The following PCDHGA9 variants were observed in gnomAD, a reference collection of about 807,000 sequenced individuals.
The protein encoded by PCDHGA9 is protocadherin gamma-A9.
A neutral mutation model predicts 62.5 loss-of-function variants in PCDHGA9; 37 were observed. The observed-to-expected ratio is 0.59, with a 90% CI of 0.46 to 0.78. The LOEUF is 0.78. Ranked by LOEUF, PCDHGA9 falls within the 30% of genes least tolerant of loss-of-function variation. The pLI, the probability that PCDHGA9 is intolerant of heterozygous loss-of-function variation, is 0.00. For missense variants in PCDHGA9, 1,138 were observed against 1,166.2 expected, an observed-to-expected ratio of 0.98 and a Z score of 0.35; for synonymous variants, 459 against 484.6, an observed-to-expected ratio of 0.95 and a Z score of 0.69.
At chr5:141,408,702 T>C (rs769871063) in intron 1 of PCDHGA9, 6 of 1,613,208 alleles carry the variant, frequency 3.7e-6, no homozygotes, top group South Asian at 3.3e-5. Flanking sequence ...ATAAACTCAA[T>C]TAAAGATTAT....
At chr5:141,440,484 A>G (rs190024112) in intron 1 of PCDHGA9, 36 of 152,300 alleles carry the variant, frequency 2.4e-4, no homozygotes, top group Non-Finnish European at 4.7e-4. Context: ...AATTCTTTAA[A>G]TGTTTTTCAC....
chr5:141,498,737 G>A (rs1176793634), intron 2 of PCDHGA9, among the ~76,000 whole-genome samples: 1 of 152,076 alleles, frequency 6.6e-6, no homozygotes, highest in African/African-American at 2.4e-5. Context: ...TTTGAGACCA[G>A]CCTGGCCAAC....
At chr5:141,438,418 G>C (rs2097959406) in intron 1 of PCDHGA9, among the ~76,000 whole-genome samples, 1 of 151,534 alleles carries the variant, frequency 6.6e-6, no homozygotes, top group Admixed American at 6.6e-5. Flanking sequence ...ATTTCACACA[G>C]TAGTTTGTAC....
In PCDHGA9 at chr5:141,477,211, C is replaced by T. The variant is rs1282763530; in HGVS notation, c.2425-17596C>T. On this transcript the variant is annotated intron_variant, in intron 1 of 3. Coordinates refer to ENST00000573521, the MANE Select transcript of PCDHGA9 (RefSeq NM_018921.3). The surrounding 1 kb of genome is among the most constrained non-coding windows in gnomAD (Gnocchi z 4.9). ...TGTACAGCCCAGTACCCGAGGATGC[C>T]CCTCTGGGGACTGTCATCGCTTTGC... 2 of 1,614,154 alleles carry T rather than the reference C, an allele frequency of 1.2e-6. No individual in the cohort carries two copies. Among genetic ancestry groups the T allele is most frequent in the East Asian group, 4.5e-5 (2 of 44,870 alleles).
Position 141,487,831 on chromosome 5 carries a change from A to G in PCDHGA9, c.2425-6976A>G, listed in dbSNP as rs1001896359. ...TTAGCATTGGGGGCGGGTCATGCCTATATCTGAGTAAGAAATGAAAGTAAT... is the reference window on the plus strand; with the variant it reads ...TTAGCATTGGGGGCGGGTCATGCCTGTATCTGAGTAAGAAATGAAAGTAAT... On this transcript the variant is annotated intron_variant, in intron 1 of 3. Transcript: ENST00000573521. This position sits in a 1 kb window ranked among gnomAD's most constrained non-coding sequence, Gnocchi z 5.0. The G allele has an allele frequency of 1.1e-5, 13 of 1,144,204 alleles. No homozygotes were observed. Among genetic ancestry groups the G allele is most frequent in the Non-Finnish European group, 1.6e-5 (13 of 818,302 alleles). 70.9% of individuals were successfully genotyped at this position (1,144,204 alleles called of 1,614,324 possible). A position where few individuals can be genotyped will look rare whatever the true frequency, so the allele number is the denominator to read the frequency against.
intron 1 of PCDHGA9, among the ~76,000 whole-genome samples, chr5:141,433,766 G>A (rs2097649774): frequency 6.6e-6 from 1 of 151,888 alleles, no homozygotes; most frequent in South Asian, 2.1e-4. Flanking sequence ...TAACCTGGGA[G>A]GTGGAGGTTG....
At chr5:141,430,846 C>A in intron 1 of PCDHGA9, 1 of 1,576,344 alleles carries the variant, frequency 6.3e-7, no homozygotes, top group South Asian at 1.2e-5. Context: ...CCGGATGCAC[C>A]CAGATACGCT....
At chr5:141,451,049 C>T (rs538627151) in intron 1 of PCDHGA9, among the ~76,000 whole-genome samples, 1 of 151,422 alleles carries the variant, frequency 6.6e-6, no homozygotes, top group African/African-American at 2.4e-5. Context: ...AGGCTGGTCT[C>T]GAACTCCTGA....
chr5:141,477,898 AG>A lies in PCDHGA9; in HGVS notation c.2425-16907del. The stretch of plus-strand genomic sequence containing the variant: ...CTGGCCACCTAGTGTCACGGGTGGT[AG>A]GCTGGGACGCGGATGCAGGGCACAA... On this transcript the variant is annotated intron_variant, in intron 1 of 3. Coordinates refer to ENST00000573521, the MANE Select transcript of PCDHGA9 (RefSeq NM_018921.3). The surrounding 1 kb of genome is among the most constrained non-coding windows in gnomAD (Gnocchi z 4.9). The A allele has an allele frequency of 6.2e-7, 1 of 1,614,158 alleles. No individual in the cohort carries two copies. Among genetic ancestry groups the A allele is most frequent in the Non-Finnish European group, 8.5e-7 (1 of 1,180,036 alleles).
chr5:141,415,081 C>A, intron 1 of PCDHGA9: 2 of 1,613,522 alleles, frequency 1.2e-6, no homozygotes, highest in Non-Finnish European at 1.7e-6. Flanking sequence ...GGCGCGAGCC[C>A]TGCTGGACAG....
At position 141,502,499 on chromosome 5, in the gene PCDHGA9, C is replaced by T. The variant is rs552402476; in HGVS notation, c.2484-2894C>T. ...CATCACACTGGGACTCATCTAACGT[C>T]GGCCTGTCCCACTATCAGTGATGCC... On this transcript the variant is annotated intron_variant, in intron 2 of 3. Coordinates refer to ENST00000573521, the MANE Select transcript of PCDHGA9 (RefSeq NM_018921.3). Among the ~76,000 whole-genome samples, 24 of 152,240 alleles carry T rather than the reference C, an allele frequency of 1.6e-4. No homozygotes were observed. In the East Asian group the frequency reaches 4.1e-3, roughly 26 times the overall value.
chr5:141,410,420 C>T (rs1426515605), intron 1 of PCDHGA9: 4 of 1,613,926 alleles, frequency 2.5e-6, no homozygotes, highest in Non-Finnish European at 3.4e-6. Flanking sequence ...ACCTGTAGTT[C>T]CCCCCAACTA....
chr5:141,422,594 C>G, intron 1 of PCDHGA9: 1 of 1,614,090 alleles, frequency 6.2e-7, no homozygotes, highest in Non-Finnish European at 8.5e-7. Flanking sequence ...TTTCCTCACT[C>G]CTCTTACTCT....
intron 1 of PCDHGA9, chr5:141,409,250 A>G: frequency 6.2e-7 from 1 of 1,614,024 alleles, no homozygotes; most frequent in Non-Finnish European, 8.5e-7. Flanking sequence ...AATAATCATC[A>G]CTTCTCTCTC....
At position 141,486,094 on chromosome 5, in the gene PCDHGA9, C is replaced by G. The variant is rs749887136; in HGVS notation, c.2425-8713C>G. 2 of 1,614,112 alleles carry G rather than the reference C, an allele frequency of 1.2e-6. No homozygotes were observed. Among genetic ancestry groups the G allele is most frequent in the Admixed American group, 3.3e-5 (2 of 60,018 alleles). ...CTGGAAAGCTTACTCTTTTGGGGCCCCTAGACTTTGAGAGTGAGAATTACT... is the reference window on the plus strand; with the variant it reads ...CTGGAAAGCTTACTCTTTTGGGGCCGCTAGACTTTGAGAGTGAGAATTACT... On this transcript the variant is annotated intron_variant, in intron 1 of 3. Coordinates refer to ENST00000573521, the MANE Select transcript of PCDHGA9 (RefSeq NM_018921.3). The surrounding 1 kb of genome is among the most constrained non-coding windows in gnomAD (Gnocchi z 5.0).
chr5:141,493,440 G>A lies in PCDHGA9; in HGVS notation c.2425-1367G>A, dbSNP rs2099748297. The stretch of plus-strand genomic sequence containing the variant: ...TTTTGCTTCTGCTGGGATGGGGCAA[G>A]GGTGGGGTTCCTTCCCTTTTAGGAC... On this transcript the variant is annotated intron_variant, in intron 1 of 3. Coordinates refer to ENST00000573521, the MANE Select transcript of PCDHGA9 (RefSeq NM_018921.3). The surrounding 1 kb of genome is among the most constrained non-coding windows in gnomAD (Gnocchi z 4.3). Among the ~76,000 whole-genome samples, 1 of 152,208 alleles carries A rather than the reference G, an allele frequency of 6.6e-6. No homozygotes were observed. Among genetic ancestry groups the A allele is most frequent in the African/African-American group, 2.4e-5 (1 of 41,450 alleles).
chr5:141,434,449 G>C (rs1392115883), intron 1 of PCDHGA9, among the ~76,000 whole-genome samples: 1 of 152,232 alleles, frequency 6.6e-6, no homozygotes, highest in Non-Finnish European at 1.5e-5. Context: ...ATGCTGGAAG[G>C]TAGTGGGTTT....
intron 1 of PCDHGA9, chr5:141,418,637 T>C: frequency 6.2e-7 from 1 of 1,613,998 alleles, no homozygotes; most frequent in Non-Finnish European, 8.5e-7. Context: ...TCCAGGCACC[T>C]CCATCCTGAG....
In PCDHGA9 at chr5:141,403,901, A is replaced by G; in HGVS notation, c.949A>G (p.Met317Val). The change falls in exon 1 of 4, where the codon ATG becomes GTG. Residue 317 changes from methionine (M) to valine (V), a missense_variant. Met to Val is a conservative substitution (Grantham distance 21). Coordinates refer to ENST00000573521, the MANE Select transcript of PCDHGA9 (RefSeq NM_018921.3). Reference sequence around the variant, plus strand: ...TTATGAAGAATGTTCATTTTATGAAATGGAAATACAAGCTGAAGATGGTGG... The same window carrying G: ...TTATGAAGAATGTTCATTTTATGAAGTGGAAATACAAGCTGAAGATGGTGG... ...LDYEECSFYE[M>V]EIQAEDGGGL... The G allele has an allele frequency of 1.9e-6, 3 of 1,613,926 alleles. No homozygotes were observed. Among genetic ancestry groups the G allele is most frequent in the Non-Finnish European group, 2.5e-6 (3 of 1,179,900 alleles).
Sources: allele counts gnomAD v4.1 joint callset (sites outside exome capture counted in the v4.1 genomes callset), GRCh38; gene constraint gnomAD v4.1.1; non-coding constraint Gnocchi (gnomAD v3.1); transcripts MANE v1.5; gene names NCBI Gene and HGNC (gene_info 2026-07-23, HGNC 2026-07-21).